The following HMG20A variants were observed in gnomAD, a reference collection of about 807,000 sequenced individuals.
The protein encoded by HMG20A is high mobility group 20A.
A neutral mutation model predicts 43.9 loss-of-function variants in HMG20A; 17 were observed. That is an observed-to-expected ratio of 0.39 (90% CI 0.27 to 0.58). HMG20A has a LOEUF of 0.58. HMG20A is among the 20% of genes least tolerant of loss of function. HMG20A has a pLI of 0.59. For missense variants in HMG20A, 341 were observed against 438.2 expected, an observed-to-expected ratio of 0.78 and a Z score of 1.98; for synonymous variants, 132 against 147.5, an observed-to-expected ratio of 0.89 and a Z score of 0.76.
At chr15:77,422,688 G>T (rs952739805) in intron 1 of HMG20A, among the ~76,000 whole-genome samples, 5 of 151,824 alleles carry the variant, frequency 3.3e-5, no homozygotes, top group African/African-American at 1.2e-4. Context: ...AAATATTACA[G>T]TAAAAAAAAA....
chr15:77,472,551 G>A (rs1255855438), intron 6 of HMG20A, among the ~76,000 whole-genome samples: 1 of 152,226 alleles, frequency 6.6e-6, no homozygotes. Flanking sequence ...TGGGATTACA[G>A]GCGTGAGCCA....
intron 1 of HMG20A, among the ~76,000 whole-genome samples, chr15:77,456,774 C>G (rs1408319416): frequency 1.3e-5 from 2 of 151,946 alleles, no homozygotes; most frequent in Non-Finnish European, 1.5e-5. Flanking sequence ...TGAACATTGA[C>G]ATTGGTGTGA....
At chr15:77,512,660 A>C in the HMG20A span, among the ~76,000 whole-genome samples, 1 of 152,288 alleles carries the variant, frequency 6.6e-6, no homozygotes, top group East Asian at 1.9e-4. Flanking sequence ...TTTTGCAAGC[A>C]CTGTAGAAAT....
At chr15:77,478,070 A>C in intron 7 of HMG20A, 1 of 573,714 alleles carries the variant, frequency 1.7e-6, no homozygotes, top group Non-Finnish European at 3.1e-6. Context: ...TGTTTGTTGC[A>C]ATCTTATGTA....
intron 5 of HMG20A, among the ~76,000 whole-genome samples, chr15:77,471,370 C>G (rs8034133): frequency 0.63 from 95,113 of 151,916 alleles, 30,429 homozygotes; most frequent in Non-Finnish European, 0.71. Flanking sequence ...TCAGTAACTT[C>G]CCTTTAACAC....
intron 1 of HMG20A, among the ~76,000 whole-genome samples, chr15:77,431,163 T>G (rs2073480620): frequency 6.6e-6 from 1 of 152,066 alleles, no homozygotes; most frequent in Admixed American, 6.6e-5. Context: ...CAATGTAACT[T>G]TTTTGTTTGT....
At chr15:77,498,792 A>G in the HMG20A span, among the ~76,000 whole-genome samples, 1 of 152,190 alleles carries the variant, frequency 6.6e-6, no homozygotes, top group Non-Finnish European at 1.5e-5. Context: ...ATTATTCCCA[A>G]CTGGGCCACT....
At chr15:77,432,579 G>C (rs1567390012) in intron 1 of HMG20A, among the ~76,000 whole-genome samples, 2 of 151,936 alleles carry the variant, frequency 1.3e-5, no homozygotes, top group Non-Finnish European at 2.9e-5. Context: ...AAAATTAGCT[G>C]GGCGTAGTGG....
chr15:77,478,057 A>C (rs1397381466), intron 7 of HMG20A: 3 of 565,056 alleles, frequency 5.3e-6, no homozygotes, highest in African/African-American at 1.9e-5. Flanking sequence ...TGGGAATTGA[A>C]ACTGTTTGTT....
intron 1 of HMG20A, among the ~76,000 whole-genome samples, chr15:77,446,670 G>T (rs1202345867): frequency 6.6e-6 from 1 of 152,150 alleles, no homozygotes; most frequent in African/African-American, 2.4e-5. Context: ...AGCCGGGCAT[G>T]GTGGTGGGCA....
the HMG20A span, among the ~76,000 whole-genome samples, chr15:77,511,878 A>AC: frequency 6.6e-6 from 1 of 152,222 alleles, no homozygotes; most frequent in Non-Finnish European, 1.5e-5. Context: ...AAGTAGAATT[A>AC]CCATATGATC....
Position 77,467,289 on chromosome 15 carries a change from G to A in HMG20A, c.432G>A (p.Leu144=). Residue 144 remains leucine (L), a synonymous_variant, in exon 4 of 10, where the codon CTG becomes CTA. Coordinates refer to ENST00000336216, the MANE Select transcript of HMG20A (RefSeq NM_001304504.2). The part of the protein sequence containing the change: ...TRMLGNEWSK[L]PPEEKQRYLD... ...TGTTAGGCAATGAATGGAGTAAACT[G>A]CCTCCTGAGGAAAAACAGGTAATTG... is the stretch of plus-strand genomic sequence containing the variant. 1.2e-6 allele frequency: 2 copies of A among 1,613,292 alleles called. No individual in the cohort carries two copies. Among genetic ancestry groups the A allele is most frequent in the East Asian group, 4.5e-5 (2 of 44,870 alleles).
intron 1 of HMG20A, among the ~76,000 whole-genome samples, chr15:77,442,415 C>T (rs990154977): frequency 2.0e-5 from 3 of 152,170 alleles, no homozygotes; most frequent in African/African-American, 7.2e-5. Context: ...TGTTATTGCA[C>T]TCATGGGGAA....
intron 1 of HMG20A, among the ~76,000 whole-genome samples, chr15:77,448,495 T>C (rs2073699744): frequency 6.6e-6 from 1 of 152,228 alleles, no homozygotes; most frequent in African/African-American, 2.4e-5. Flanking sequence ...TCATGGCCTC[T>C]GTATATAAAA....
the HMG20A span, among the ~76,000 whole-genome samples, chr15:77,515,957 G>A: frequency 6.6e-6 from 1 of 152,174 alleles, no homozygotes; most frequent in East Asian, 1.9e-4. Context: ...ACACCCTCCA[G>A]GGGCCCTTAG....
chr15:77,434,351 A>G (rs1162231231), intron 1 of HMG20A, among the ~76,000 whole-genome samples: 1 of 131,864 alleles, frequency 7.6e-6, no homozygotes, highest in African/African-American at 2.8e-5. Flanking sequence ...TCATAAACTC[A>G]TGAAATTGGA....
the HMG20A span, among the ~76,000 whole-genome samples, chr15:77,514,200 A>C: frequency 0.012 from 1,788 of 152,344 alleles, 42 homozygotes; most frequent in African/African-American, 0.04. Context: ...TGGTGTATCT[A>C]TACAATGGAA....
At chr15:77,437,479 G>A (rs948520118) in intron 1 of HMG20A, among the ~76,000 whole-genome samples, 3 of 152,194 alleles carry the variant, frequency 2.0e-5, no homozygotes, top group African/African-American at 4.8e-5. Context: ...TTGATGATTA[G>A]TCTTCTCAGT....
chr15:77,425,907 A>G (rs1307000577), intron 1 of HMG20A, among the ~76,000 whole-genome samples: 2 of 152,230 alleles, frequency 1.3e-5, no homozygotes, highest in African/African-American at 4.8e-5. Context: ...ACAAAATGCG[A>G]TATAGCCATA....
Sources: gnomAD v4.1 joint callset for allele counts (sites outside exome capture counted in the v4.1 genomes callset) on GRCh38, gnomAD v4.1.1 for gene constraint, MANE v1.5 for transcripts, NCBI Gene and HGNC (gene_info 2026-07-23, HGNC 2026-07-21) for gene names.